The following KALRN variants were observed in gnomAD, a reference collection of about 807,000 sequenced individuals.
The protein encoded by KALRN is kalirin RhoGEF kinase.
In KALRN, 70 loss-of-function variants were observed where a neutral mutation model predicts 353.7. The ratio of observed to expected loss-of-function variants is 0.20; its 90% confidence interval spans 0.16 to 0.24. The LOEUF is 0.24. KALRN is among the 10% of genes least tolerant of loss of function. The probability of loss-of-function intolerance (pLI) is 1.00; values close to 1 mark genes in which losing one functional copy is unlikely to be tolerated. For missense variants in KALRN, 2,791 were observed against 3,756.7 expected, an observed-to-expected ratio of 0.74 and a Z score of 6.72; for synonymous variants, 1,391 against 1,434.8, an observed-to-expected ratio of 0.97 and a Z score of 0.69.
At chr3:124,100,636 AAAC>A (rs960508832) in intron 1 of KALRN, 5 of 152,244 alleles carry the variant, frequency 3.3e-5, no homozygotes, top group African/African-American at 1.2e-4. Context: ...TCAAAAGCAC[AAAC>A]AACAAAAACA....
intron 1 of KALRN, among the ~76,000 whole-genome samples, chr3:124,208,521 A>G (rs751386254): frequency 2.0e-5 from 3 of 152,226 alleles, no homozygotes; most frequent in Non-Finnish European, 4.4e-5. Context: ...GCTTGTGAAC[A>G]GTTGTGATAG....
chr3:124,700,128 C>T, intron 56 of KALRN, 95 bp downstream of exon 56: 1 of 1,218,108 alleles, frequency 8.2e-7, no homozygotes, highest in Non-Finnish European at 1.2e-6. Flanking sequence ...TGTCAGGCCA[C>T]CATGCAAGAG....
At chr3:124,626,046 A>G (rs934994263) in intron 34 of KALRN, among the ~76,000 whole-genome samples, 1 of 152,214 alleles carries the variant, frequency 6.6e-6, no homozygotes, top group African/African-American at 2.4e-5. Flanking sequence ...GCGCCATTGC[A>G]CACCAGCTTA....
chr3:124,661,895 C>T lies in KALRN; in HGVS notation c.6312C>T (p.Asp2104=). 1 of 1,614,120 alleles carries T rather than the reference C, an allele frequency of 6.2e-7. No individual in the cohort carries two copies. Among genetic ancestry groups the T allele is most frequent in the Non-Finnish European group, 8.5e-7 (1 of 1,179,976 alleles). ...LMCLVPKRCN[D]MMNLGRLQGF... ...GCCTTGTTCCCAAACGCTGCAATGACATGATGAATCTAGGACGTCTGCAGG... is the reference window on the plus strand; with the variant it reads ...GCCTTGTTCCCAAACGCTGCAATGATATGATGAATCTAGGACGTCTGCAGG... The change falls in exon 45 of 60, where the codon GAC becomes GAT. Residue 2104 remains aspartate, a synonymous_variant. Transcript: ENST00000682506.
chr3:124,502,638 A>G (rs914623831), intron 33 of KALRN, among the ~76,000 whole-genome samples: 2 of 152,136 alleles, frequency 1.3e-5, no homozygotes, highest in Non-Finnish European at 2.9e-5. Flanking sequence ...AGTGATTTCT[A>G]CTTCCTGGGA....
In KALRN at chr3:124,601,329, T is replaced by C. The variant is rs1435608726; in HGVS notation, c.5183-31091T>C. Among the ~76,000 whole-genome samples, 7 of 152,226 alleles carry C rather than the reference T, an allele frequency of 4.6e-5. No individual in the cohort carries two copies. In the South Asian group the frequency reaches 1.2e-3, roughly 27 times the overall value. On this transcript the variant is annotated intron_variant, in intron 34 of 59. Transcript: ENST00000682506. ...CATTATCAGACATTTCTCTAACTTA[T>C]AGGGTAATAGCTTTAAATGAGCCAT...
chr3:124,667,094 T>C lies in KALRN; in HGVS notation c.6614T>C (p.Val2205Ala), dbSNP rs1279189490. The change falls in exon 47 of 60, where the codon GTT becomes GCT. Residue 2205 changes from valine (V) to alanine (A), a missense_variant. Val to Ala is a moderately conservative substitution (Grantham distance 64). Coordinates refer to ENST00000682506, the MANE Select transcript of KALRN (RefSeq NM_001388419.1). Reference protein sequence around the residue: ...ALMNRETSERVVLQAANADIQ... With the variant: ...ALMNRETSERAVLQAANADIQ... ...ATGAACAGAGAGACTTCTGAGAGGG[T>C]TGTTCTGCAAGCCGCCAACGCTGAC... 7.4e-6 allele frequency: 12 copies of C among 1,613,994 alleles called. No homozygotes were observed. The Middle Eastern group carries it at 8.2e-4, about 111-fold the overall frequency.
At chr3:124,103,631 A>G (rs1010420928) in intron 1 of KALRN, among the ~76,000 whole-genome samples, 2 of 152,090 alleles carry the variant, frequency 1.3e-5, no homozygotes, top group Admixed American at 6.5e-5. Context: ...GCCCTTAGGG[A>G]GCTTACAATT....
At chr3:124,702,154 C>T (rs764030545) in intron 57 of KALRN, 38 bp downstream of exon 57, 1 of 1,281,748 alleles carries the variant, frequency 7.8e-7, no homozygotes, top group Non-Finnish European at 1.1e-6. Flanking sequence ...TTCATGAACA[C>T]CTAGCAACAT....
Position 124,208,129 on chromosome 3 carries a change from C to T in KALRN, c.74-19861C>T, listed in dbSNP as rs548085360. Among the ~76,000 whole-genome samples, 27 of 152,304 alleles carry T rather than the reference C, an allele frequency of 1.8e-4. 1 individual carries two copies. In the South Asian group the frequency reaches 3.5e-3, roughly 20 times the overall value. On this transcript the variant is annotated intron_variant, in intron 1 of 59. Coordinates refer to ENST00000682506, the MANE Select transcript of KALRN (RefSeq NM_001388419.1). ...GCTTCTTTGGTACTTTCCACCTCAC[C>T]GCTTGAGGACCTGCGCTTTCTCCTG...
At chr3:124,496,274 C>G in intron 32 of KALRN, 37 bp from the exon 33 acceptor site, 1 of 1,527,754 alleles carries the variant, frequency 6.5e-7, no homozygotes, top group South Asian at 1.1e-5. Context: ...TGGTTCCCCC[C>G]ACCCCCACCC....
At chr3:124,081,125 C>T (rs2060520239) in intron 1 of KALRN, among the ~76,000 whole-genome samples, 1 of 152,192 alleles carries the variant, frequency 6.6e-6, no homozygotes, top group Non-Finnish European at 1.5e-5. Flanking sequence ...TAGCAGAAAT[C>T]CAGACTCACC....
intron 14 of KALRN, among the ~76,000 whole-genome samples, chr3:124,413,969 G>T (rs1278286819): frequency 6.6e-6 from 1 of 152,078 alleles, no homozygotes; most frequent in Non-Finnish European, 1.5e-5. Context: ...ATCCAGGTGT[G>T]GGGGCAGATG....
intron 1 of KALRN, among the ~76,000 whole-genome samples, chr3:124,076,470 G>A (rs1383410411): frequency 3.9e-5 from 6 of 152,142 alleles, no homozygotes; most frequent in Non-Finnish European, 8.8e-5. Flanking sequence ...GGTGTGGGGC[G>A]GTGGGCAGGC....
Position 124,161,297 on chromosome 3 carries a change from C to T in KALRN, c.74-66693C>T, listed in dbSNP as rs1455248755. 5.3e-5 allele frequency among the ~76,000 whole-genome samples: 8 copies of T among 152,122 alleles called. No individual in the cohort carries two copies. The South Asian group carries it at 6.2e-4, about 12-fold the overall frequency. ...TGAATGCTTGTATTTGCAATCATTG[C>T]GAGGAATTAGGACTGGTTACCAGGA... On this transcript the variant is annotated intron_variant, in intron 1 of 59. Coordinates refer to ENST00000682506, the MANE Select transcript of KALRN (RefSeq NM_001388419.1).
chr3:124,533,773 T>C (rs1461351843), intron 33 of KALRN, among the ~76,000 whole-genome samples: 10 of 152,236 alleles, frequency 6.6e-5, no homozygotes, highest in Non-Finnish European at 1.5e-4. Context: ...TAATGAGCCA[T>C]GCACTTTACT....
intron 34 of KALRN, among the ~76,000 whole-genome samples, chr3:124,568,863 A>G (rs2073174589): frequency 6.6e-6 from 1 of 152,232 alleles, no homozygotes; most frequent in Non-Finnish European, 1.5e-5. Flanking sequence ...CCTGTTGGGT[A>G]CAGAGTTTCA....
intron 1 of KALRN, among the ~76,000 whole-genome samples, chr3:124,174,903 G>C (rs1052567283): frequency 6.6e-6 from 1 of 152,248 alleles, no homozygotes; most frequent in Non-Finnish European, 1.5e-5. Context: ...ACCATCTTCA[G>C]AATTGAGAAA....
At chr3:124,198,974 AGG>A (rs2075706264) in intron 1 of KALRN, among the ~76,000 whole-genome samples, 2 of 152,224 alleles carry the variant, frequency 1.3e-5, no homozygotes, top group Admixed American at 1.3e-4. Context: ...GGTCAGTGCT[AGG>A]AGAGAGTCAG....
Sources: allele counts gnomAD v4.1 joint callset (sites outside exome capture counted in the v4.1 genomes callset), GRCh38; gene constraint gnomAD v4.1.1; transcripts MANE v1.5; gene names NCBI Gene and HGNC (gene_info 2026-07-23, HGNC 2026-07-21).